IMMP2L: variants seen among roughly 807,000 people sequenced by gnomAD.
IMMP2L encodes inner mitochondrial membrane peptidase subunit 2.
A neutral mutation model predicts 19.3 loss-of-function variants in IMMP2L; 18 were observed. The observed-to-expected ratio is 0.93, with a 90% CI of 0.64 to 1.38. The LOEUF (loss-of-function observed/expected upper bound fraction) is 1.38, where lower values mean the gene tolerates loss of function less well. Among genes scored for constraint, IMMP2L ranks in the 40% most tolerant of loss-of-function variants. IMMP2L has a pLI of 0.00. For missense variants in IMMP2L, 233 were observed against 218.2 expected (o/e 1.07, Z -0.43); for synonymous variants, 76 against 73.0 (o/e 1.04, Z -0.21).
chr7:111,317,283 A>C (rs1431741356), intron 3 of IMMP2L, among the ~76,000 whole-genome samples: 1 of 152,170 alleles, frequency 6.6e-6, no homozygotes, highest in Non-Finnish European at 1.5e-5. Context: ...CACAAAGTTC[A>C]ACAACATCTG....
intron 3 of IMMP2L, among the ~76,000 whole-genome samples, chr7:111,064,404 A>T (rs1794303124): frequency 6.6e-6 from 1 of 152,182 alleles, no homozygotes; most frequent in Admixed American, 6.5e-5. Context: ...AGTCACAATT[A>T]CAATGCCAAC....
intron 3 of IMMP2L, among the ~76,000 whole-genome samples, chr7:111,082,417 C>T (rs1795958990): frequency 6.6e-6 from 1 of 152,190 alleles, no homozygotes; most frequent in African/African-American, 2.4e-5. Flanking sequence ...AATGTTATTA[C>T]AGTACAACGC....
chr7:110,667,063 G>C (rs535640582), intron 5 of IMMP2L, among the ~76,000 whole-genome samples: 2 of 152,224 alleles, frequency 1.3e-5, no homozygotes, highest in Admixed American at 1.3e-4. Flanking sequence ...AGTAGAGAGG[G>C]GTTTCACCGT....
chr7:110,732,790 T>C (rs1796354282), intron 5 of IMMP2L, among the ~76,000 whole-genome samples: 1 of 151,510 alleles, frequency 6.6e-6, no homozygotes, highest in Non-Finnish European at 1.5e-5. Context: ...CACAATGAAT[T>C]TCTTTTTTTT....
intron 3 of IMMP2L, among the ~76,000 whole-genome samples, chr7:110,971,510 G>A (rs1820140466): frequency 6.6e-6 from 1 of 152,050 alleles, no homozygotes; most frequent in African/African-American, 2.4e-5. Context: ...TGTCCATCAA[G>A]GTGCAGGGTC....
At chr7:110,811,205 A>C (rs1011654423) in intron 5 of IMMP2L, among the ~76,000 whole-genome samples, 1 of 152,086 alleles carries the variant, frequency 6.6e-6, no homozygotes, top group Non-Finnish European at 1.5e-5. Context: ...AAAAATAAAT[A>C]TTATTGCTTT....
At chr7:111,027,635 A>G (rs1035380517) in intron 3 of IMMP2L, among the ~76,000 whole-genome samples, 3 of 152,122 alleles carry the variant, frequency 2.0e-5, no homozygotes, top group African/African-American at 7.2e-5. Flanking sequence ...CTTGGTCTAC[A>G]GACACAGTGA....
chr7:111,168,377 G>A (rs1163402067), intron 3 of IMMP2L, among the ~76,000 whole-genome samples: 3 of 151,520 alleles, frequency 2.0e-5, no homozygotes, highest in Admixed American at 6.6e-5. Context: ...CATTATGTAC[G>A]TTGCTAAGCA....
intron 5 of IMMP2L, among the ~76,000 whole-genome samples, chr7:110,827,899 C>T (rs1019224430): frequency 2.0e-5 from 3 of 152,096 alleles, no homozygotes; most frequent in Non-Finnish European, 4.4e-5. Context: ...AAAATATGTA[C>T]TGATCCTTCT....
intron 3 of IMMP2L, among the ~76,000 whole-genome samples, chr7:111,421,376 T>TCTC (rs1007828938): frequency 6.7e-6 from 1 of 150,322 alleles, no homozygotes; most frequent in African/African-American, 2.5e-5. Flanking sequence ...TTCACGCCAT[T>TCTC]CTCCTGCCTC....
At chr7:111,031,771 T>C (rs1196904528) in intron 3 of IMMP2L, among the ~76,000 whole-genome samples, 1 of 152,032 alleles carries the variant, frequency 6.6e-6, no homozygotes, top group East Asian at 1.9e-4. Flanking sequence ...ATAATAACTT[T>C]ACAGTGCAGA....
At chr7:111,219,829 T>G (rs926447985) in intron 3 of IMMP2L, among the ~76,000 whole-genome samples, 6 of 152,020 alleles carry the variant, frequency 3.9e-5, no homozygotes, top group African/African-American at 1.4e-4. Flanking sequence ...GAAAAGCTTT[T>G]TCAATAAATT....
chr7:111,326,779 G>A (rs1486743620), intron 3 of IMMP2L, among the ~76,000 whole-genome samples: 1 of 151,764 alleles, frequency 6.6e-6, no homozygotes, highest in South Asian at 2.1e-4. Context: ...GCAGTATGGA[G>A]GTTCCACCCA....
chr7:110,966,128 G>A (rs1450141918), intron 3 of IMMP2L, among the ~76,000 whole-genome samples: 3 of 152,014 alleles, frequency 2.0e-5, no homozygotes, highest in Non-Finnish European at 4.4e-5. Flanking sequence ...TAGTGATATG[G>A]AAATATCAAC....
intron 5 of IMMP2L, among the ~76,000 whole-genome samples, chr7:110,697,797 GA>G (rs1793994909): frequency 6.6e-6 from 1 of 151,856 alleles, no homozygotes. Context: ...CTATCTCTAA[GA>G]AATAAAAATA....
In IMMP2L at chr7:111,453,621, G is replaced by T. The variant is rs763101522; in HGVS notation, c.239+33617C>A. On this transcript the variant is annotated intron_variant, in intron 3 of 5. Transcript: ENST00000405709. Reference sequence around the variant, plus strand: ...GCTACCAATAGAAGAGGATGAAACCGAGAGATCATCTTTATGGTTAATAGG... The same window carrying T: ...GCTACCAATAGAAGAGGATGAAACCTAGAGATCATCTTTATGGTTAATAGG... Among the ~76,000 whole-genome samples, 24 of 152,088 alleles carry T rather than the reference G, an allele frequency of 1.6e-4. 1 individual carries two copies. Among genetic ancestry groups the T allele is most frequent in the Non-Finnish European group, 7.4e-5 (5 of 68,012 alleles).
At chr7:111,161,620 A>G (rs1805272294) in intron 3 of IMMP2L, among the ~76,000 whole-genome samples, 1 of 152,002 alleles carries the variant, frequency 6.6e-6, no homozygotes, top group African/African-American at 2.4e-5. Flanking sequence ...GTATCCTATC[A>G]TGGTATATTC....
At chr7:110,729,670 A>C (rs2130808409) in intron 5 of IMMP2L, among the ~76,000 whole-genome samples, 1 of 152,362 alleles carries the variant, frequency 6.6e-6, no homozygotes, top group Non-Finnish European at 1.5e-5. Flanking sequence ...AGTAACTCAA[A>C]GCAATGTATC....
At chr7:110,795,054 G>A (rs894252141) in intron 5 of IMMP2L, among the ~76,000 whole-genome samples, 1 of 152,030 alleles carries the variant, frequency 6.6e-6, no homozygotes, top group African/African-American at 2.4e-5. Flanking sequence ...GAAGACTCTG[G>A]GCAGTCAGGG....
Sources: allele counts gnomAD v4.1 joint callset (sites outside exome capture counted in the v4.1 genomes callset), GRCh38; gene constraint gnomAD v4.1.1; transcripts MANE v1.5; gene names NCBI Gene and HGNC (gene_info 2026-07-23, HGNC 2026-07-21).